Variants in TACR1 observed in about 807,000 individuals in gnomAD.
TACR1 encodes the protein tachykinin receptor 1, also known as substance-P receptor.
In TACR1, 25 loss-of-function variants were observed where a neutral mutation model predicts 35.8. That is an observed-to-expected ratio of 0.70 (90% CI 0.51 to 0.98). The LOEUF (loss-of-function observed/expected upper bound fraction) is 0.98. Ranked by LOEUF, TACR1 falls within the 50% of genes least tolerant of loss-of-function variation. TACR1 has a pLI of 0.00. For missense variants in TACR1, 478 were observed against 522.9 expected (o/e 0.91, Z 0.84); for synonymous variants, 195 against 206.7 (o/e 0.94, Z 0.48).
At chr2:75,161,477 T>C (rs930235080) in intron 1 of TACR1, among the ~76,000 whole-genome samples, 1 of 152,040 alleles carries the variant, frequency 6.6e-6, no homozygotes, top group Admixed American at 6.5e-5. Flanking sequence ...TTCACAGAGG[T>C]ACAATCAATA....
At chr2:75,168,730 G>T (rs1675205581) in intron 1 of TACR1, among the ~76,000 whole-genome samples, 1 of 152,150 alleles carries the variant, frequency 6.6e-6, no homozygotes, top group African/African-American at 2.4e-5. Flanking sequence ...ATACAAATGG[G>T]CTGATTTGCT....
intron 1 of TACR1, among the ~76,000 whole-genome samples, chr2:75,181,050 C>T (rs2104047259): frequency 6.6e-6 from 1 of 152,328 alleles, no homozygotes; most frequent in South Asian, 2.1e-4. Context: ...TCATTTCTAA[C>T]TCTTTACTCT....
intron 1 of TACR1, among the ~76,000 whole-genome samples, chr2:75,143,935 C>A (rs1365293314): frequency 6.6e-6 from 1 of 152,122 alleles, no homozygotes; most frequent in Non-Finnish European, 1.5e-5. Flanking sequence ...GTGTAACCTC[C>A]CTAACTTCCA....
chr2:75,196,319 A>G (rs1279231161), intron 1 of TACR1, among the ~76,000 whole-genome samples: 1 of 152,116 alleles, frequency 6.6e-6, no homozygotes, highest in Non-Finnish European at 1.5e-5. Context: ...TGAGGGGGTG[A>G]GTTTATAGTG....
chr2:75,120,673 G>A lies in TACR1; in HGVS notation c.485C>T (p.Ala162Val), dbSNP rs138737257. 5.0e-6 allele frequency: 8 copies of A among 1,613,978 alleles called. No homozygotes were observed. Among genetic ancestry groups the A allele is most frequent in the Non-Finnish European group, 6.8e-6 (8 of 1,180,014 alleles). ...GGTTGAGTAGTAGCCCTGGGGGAAG[G>A]CCAGCAGGAGAGCCAGGACCCAGAT... ...CVIWVLALLLAFPQGYYSTTE... is the reference protein window; with the variant it reads ...CVIWVLALLLVFPQGYYSTTE... The change falls in exon 2 of 5, where the codon GCC becomes GTC. Residue 162 changes from alanine to valine, a missense_variant. Transcript: ENST00000305249.
intron 2 of TACR1, among the ~76,000 whole-genome samples, chr2:75,107,299 T>C (rs1488237492): frequency 3.3e-5 from 5 of 152,016 alleles, no homozygotes; most frequent in Non-Finnish European, 5.9e-5. Flanking sequence ...GGTATCACTC[T>C]CACTCTATGA....
At chr2:75,180,423 C>T (rs946320276) in intron 1 of TACR1, among the ~76,000 whole-genome samples, 2 of 152,182 alleles carry the variant, frequency 1.3e-5, no homozygotes, top group Non-Finnish European at 2.9e-5. Context: ...GTTCTTGTCA[C>T]TGAAGAGGTA....
intron 2 of TACR1, among the ~76,000 whole-genome samples, chr2:75,110,442 A>G (rs1673728931): frequency 6.6e-6 from 1 of 152,042 alleles, no homozygotes; most frequent in South Asian, 2.1e-4. Context: ...AAAATTTTAG[A>G]TGACCTATAA....
chr2:75,131,662 CAG>C (rs1388427264), intron 1 of TACR1, among the ~76,000 whole-genome samples: 1 of 152,150 alleles, frequency 6.6e-6, no homozygotes, highest in Non-Finnish European at 1.5e-5. Context: ...CTAATTGAAA[CAG>C]AAGCAGTAGT....
chr2:75,158,075 A>G (rs1488167722), intron 1 of TACR1, among the ~76,000 whole-genome samples: 1 of 152,266 alleles, frequency 6.6e-6, no homozygotes, highest in Non-Finnish European at 1.5e-5. Flanking sequence ...TGAAGAATGC[A>G]TCAAAGATCA....
intron 1 of TACR1, among the ~76,000 whole-genome samples, chr2:75,164,580 T>TA (rs1261925977): frequency 6.6e-6 from 1 of 151,990 alleles, no homozygotes; most frequent in African/African-American, 2.4e-5. Flanking sequence ...AAATGAAAAA[T>TA]AATCTGTTGA....
chr2:75,060,981 G>T (rs561201495), intron 2 of TACR1, among the ~76,000 whole-genome samples: 9 of 152,178 alleles, frequency 5.9e-5, no homozygotes, highest in Non-Finnish European at 1.3e-4. Context: ...CAGGGAAGAG[G>T]AACAGGCTTG....
intron 1 of TACR1, among the ~76,000 whole-genome samples, chr2:75,129,241 CTG>C (rs1325455462): frequency 1.3e-4 from 20 of 152,182 alleles, no homozygotes; most frequent in African/African-American, 4.6e-4. Context: ...ATTGTTGACA[CTG>C]TGCTTTTTGG....
chr2:75,049,491 G>A lies in TACR1; in HGVS notation c.1165C>T (p.Arg389Ter), dbSNP rs778203444. ...SLDLTSNCSS[R>*]SDSKTMTESF... ...TCTGTCATGGTCTTGGAGTCACTTC[G>A]TGAAGAGCAGTTGGAGGTCAGGTCC... Residue 389 changes from arginine to a stop codon, truncating the protein, a stop_gained, in exon 5 of 5, where the codon CGA (arginine) becomes TGA (stop). Transcript: ENST00000305249. LOFTEE classifies it high-confidence loss of function. The A allele has an allele frequency of 9.9e-6, 16 of 1,614,190 alleles. No individual in the cohort carries two copies. Among genetic ancestry groups the A allele is most frequent in the East Asian group, 2.2e-5 (1 of 44,868 alleles).
Position 75,097,077 on chromosome 2 carries a change from C to T in TACR1, c.584+23497G>A, listed in dbSNP as rs1163531052. Among the ~76,000 whole-genome samples, 4 of 152,192 alleles carry T rather than the reference C, an allele frequency of 2.6e-5. No individual in the cohort carries two copies. The East Asian group carries it at 7.7e-4, about 29-fold the overall frequency. On this transcript the variant is annotated intron_variant, in intron 2 of 4. Coordinates refer to ENST00000305249, the MANE Select transcript of TACR1 (RefSeq NM_001058.4). ...TCATAAAGTTAAGTATTATTTTTCT[C>T]TCCTCTTTACCACATGCACTTCTGA... is the stretch of plus-strand genomic sequence containing the variant.
chr2:75,109,054 A>G (rs1673702918), intron 2 of TACR1, among the ~76,000 whole-genome samples: 1 of 152,208 alleles, frequency 6.6e-6, no homozygotes, highest in Non-Finnish European at 1.5e-5. Context: ...AGCTGCAGGA[A>G]GAACAACCTG....
At chr2:75,093,740 A>G (rs1056033787) in intron 2 of TACR1, among the ~76,000 whole-genome samples, 1 of 152,050 alleles carries the variant, frequency 6.6e-6, no homozygotes, top group Non-Finnish European at 1.5e-5. Context: ...AAATAAGAAT[A>G]ATATATATTA....
chr2:75,150,110 T>C (rs1674638703), intron 1 of TACR1, among the ~76,000 whole-genome samples: 1 of 152,218 alleles, frequency 6.6e-6, no homozygotes. Flanking sequence ...TAATGATGGA[T>C]AAGCTTTTTG....
intron 2 of TACR1, among the ~76,000 whole-genome samples, chr2:75,106,853 A>G (rs549077023): frequency 6.6e-6 from 1 of 152,058 alleles, no homozygotes; most frequent in South Asian, 2.1e-4. Flanking sequence ...AAGAGGAAAC[A>G]AAAACCAGAA....
Sources: allele counts gnomAD v4.1 joint callset (sites outside exome capture counted in the v4.1 genomes callset), GRCh38; gene constraint gnomAD v4.1.1; transcripts MANE v1.5; gene names NCBI Gene and HGNC (gene_info 2026-07-23, HGNC 2026-07-21).